The following LRRTM4 variants were observed in gnomAD, a reference collection of about 807,000 sequenced individuals.
The protein encoded by LRRTM4 is leucine rich repeat transmembrane neuronal 4, also known as leucine-rich repeat transmembrane neuronal protein 4.
Under a neutral mutation model 47.6 loss-of-function variants are expected in LRRTM4, and 25 were observed. The observed-to-expected ratio is 0.53, with a 90% CI of 0.38 to 0.73. The LOEUF (loss-of-function observed/expected upper bound fraction) is 0.73. Among genes scored for constraint, LRRTM4 ranks in the 30% least tolerant of loss-of-function variants. The probability of loss-of-function intolerance (pLI) is 0.00; values close to 1 mark genes in which losing one functional copy is unlikely to be tolerated. For synonymous variants in LRRTM4, 311 were observed against 269.5 expected (o/e 1.15, Z -1.51); for missense variants, 638 against 713.4 (o/e 0.89, Z 1.20).
At chr2:77,037,839 A>T (rs900346538) in intron 3 of LRRTM4, among the ~76,000 whole-genome samples, 4 of 151,668 alleles carry the variant, frequency 2.6e-5, no homozygotes, top group African/African-American at 9.7e-5. Flanking sequence ...TAATCTCACA[A>T]TTTAAATTGG....
intron 3 of LRRTM4, among the ~76,000 whole-genome samples, chr2:76,905,966 C>A (rs1673821004): frequency 6.6e-6 from 1 of 151,948 alleles, no homozygotes; most frequent in East Asian, 1.9e-4. Flanking sequence ...GCAAGGCAGG[C>A]CAACATTCAG....
chr2:77,252,094 G>A (rs181893286), intron 3 of LRRTM4, among the ~76,000 whole-genome samples: 13 of 152,274 alleles, frequency 8.5e-5, no homozygotes, highest in African/African-American at 3.1e-4. Flanking sequence ...CAACAAATCC[G>A]TCATTCACCA....
At position 77,399,834 on chromosome 2, in the gene LRRTM4, G is replaced by A. The variant is rs144484731; in HGVS notation, c.1551+118484C>T. ...TTGAAAGGGAAATTGGAAAAGATGTGCATTGAAATTGGGAAATCTTTTTGC... is the reference window on the plus strand; with the variant it reads ...TTGAAAGGGAAATTGGAAAAGATGTACATTGAAATTGGGAAATCTTTTTGC... On this transcript the variant is annotated intron_variant, in intron 3 of 3. Transcript: ENST00000409884. Among the ~76,000 whole-genome samples, 1,278 of 151,964 alleles carry A rather than the reference G, an allele frequency of 8.4e-3. 22 individuals carry two copies. Among genetic ancestry groups the A allele is most frequent in the Middle Eastern group, 0.017 (5 of 294 alleles).
chr2:76,875,752 T>G (rs1386972642), intron 3 of LRRTM4, among the ~76,000 whole-genome samples: 1 of 152,176 alleles, frequency 6.6e-6, no homozygotes, highest in Admixed American at 6.5e-5. Context: ...TGTGTATCTA[T>G]GTTGAGATTG....
intron 3 of LRRTM4, among the ~76,000 whole-genome samples, chr2:76,767,114 ACTC>A (rs1312946319): frequency 6.6e-6 from 1 of 151,566 alleles, no homozygotes; most frequent in Non-Finnish European, 1.5e-5. Flanking sequence ...CCTTAACACT[ACTC>A]CTATTTCTAC....
Position 77,094,175 on chromosome 2 carries a change from C to T in LRRTM4, c.1552-345259G>A, listed in dbSNP as rs1342104882. On this transcript the variant is annotated intron_variant, in intron 3 of 3. Coordinates refer to ENST00000409884, the MANE Select transcript of LRRTM4 (RefSeq NM_001134745.3). ...CAAAAAAAGCAATTTAAAAACATTC[C>T]ATGTATAATAGCAACACAAAATATA... Among the ~76,000 whole-genome samples, 2 of 151,922 alleles carry T rather than the reference C, an allele frequency of 1.3e-5. 1 individual carries two copies. The highest frequency in any genetic ancestry group is 2.9e-5 in the Non-Finnish European group (2 of 67,998).
intron 3 of LRRTM4, among the ~76,000 whole-genome samples, chr2:77,117,810 G>T (rs1671427583): frequency 6.6e-6 from 1 of 151,444 alleles, no homozygotes; most frequent in South Asian, 2.1e-4. Flanking sequence ...AACATTTATG[G>T]GTCCTGGACC....
chr2:77,156,438 T>C (rs542297735), intron 3 of LRRTM4, among the ~76,000 whole-genome samples: 42 of 151,856 alleles, frequency 2.8e-4, no homozygotes, highest in African/African-American at 9.6e-4. Flanking sequence ...CAATAAATTA[T>C]AGTATATTCA....
rs1298151295 is a variant in LRRTM4 at position 77,457,025 on chromosome 2, T to C, written c.1551+61293A>G. 2.6e-4 allele frequency among the ~76,000 whole-genome samples: 6 copies of C among 22,916 alleles called. 1 individual carries two copies. The highest frequency in any genetic ancestry group is 2.0e-4 in the Non-Finnish European group (2 of 10,224). 15.0% of individuals were successfully genotyped at this position (22,916 alleles called of 152,430 possible). ...GTGTGTATATATATATATATATATA[T>C]ATATATATATATATATATATATATA... On this transcript the variant is annotated intron_variant, in intron 3 of 3. Coordinates refer to ENST00000409884, the MANE Select transcript of LRRTM4 (RefSeq NM_001134745.3).
In LRRTM4 at chr2:77,103,667, A is replaced by ATATCTATATATATATC. The variant is rs1553389713; in HGVS notation, c.1552-354752_1552-354751insGATATATATATAGATA. Among the ~76,000 whole-genome samples the ATATCTATATATATATC allele has an allele frequency of 1.5e-4, 22 of 146,284 alleles. No individual in the cohort carries two copies. The East Asian group carries it at 3.8e-3, about 25-fold the overall frequency. ...TGAGTGTATATATATATATATAGATATATATATCACATATATGTATATATA... is the reference window on the plus strand; with the variant it reads ...TGAGTGTATATATATATATATAGATATATCTATATATATATCTATATATCACATATATGTATATATA... On this transcript the variant is annotated intron_variant, in intron 3 of 3. Transcript: ENST00000409884.
At chr2:77,368,082 A>C (rs567567583) in intron 3 of LRRTM4, among the ~76,000 whole-genome samples, 28 of 151,100 alleles carry the variant, frequency 1.9e-4, no homozygotes, top group African/African-American at 6.3e-4. Flanking sequence ...TTAAACCTAG[A>C]TTTGCCTTCT....
intron 3 of LRRTM4, among the ~76,000 whole-genome samples, chr2:77,070,850 C>G (rs559518817): frequency 2.2e-4 from 33 of 152,194 alleles, no homozygotes; most frequent in African/African-American, 6.5e-4. Context: ...AGGCTGGTCT[C>G]GAACTCCTGA....
intron 3 of LRRTM4, among the ~76,000 whole-genome samples, chr2:77,313,823 AC>A (rs1677542563): frequency 6.6e-6 from 1 of 152,154 alleles, no homozygotes; most frequent in Non-Finnish European, 1.5e-5. Context: ...TTCAAAGACT[AC>A]CCATTGTCAT....
chr2:77,237,378 G>C (rs1675131148), intron 3 of LRRTM4, among the ~76,000 whole-genome samples: 2 of 151,864 alleles, frequency 1.3e-5, no homozygotes, highest in Admixed American at 6.6e-5. Flanking sequence ...TTGTATTTTT[G>C]TGGGATTGGT....
intron 3 of LRRTM4, among the ~76,000 whole-genome samples, chr2:76,945,763 G>A (rs1360401272): frequency 6.6e-6 from 1 of 151,628 alleles, no homozygotes; most frequent in Non-Finnish European, 1.5e-5. Flanking sequence ...AAGTGTGTGT[G>A]TGTGTGTGTG....
At position 77,448,134 on chromosome 2, in the gene LRRTM4, A is replaced by G. The variant is rs149963514; in HGVS notation, c.1551+70184T>C. ...TCTTATCCACTCTCGAGGGGCTAGAAAGTAGGACGTGTACCATATTACACA... is the reference window on the plus strand; with the variant it reads ...TCTTATCCACTCTCGAGGGGCTAGAGAGTAGGACGTGTACCATATTACACA... On this transcript the variant is annotated intron_variant, in intron 3 of 3. Transcript: ENST00000409884. Among the ~76,000 whole-genome samples, 85 of 152,312 alleles carry G rather than the reference A, an allele frequency of 5.6e-4. 1 individual carries two copies. The East Asian group carries it at 0.015, about 28-fold the overall frequency.
At chr2:77,014,934 G>A (rs1288074997) in intron 3 of LRRTM4, among the ~76,000 whole-genome samples, 1 of 152,110 alleles carries the variant, frequency 6.6e-6, no homozygotes, top group Non-Finnish European at 1.5e-5. Context: ...ATTTTTTGAT[G>A]TGTCAACTTG....
chr2:77,269,913 T>C (rs922671698), intron 3 of LRRTM4, among the ~76,000 whole-genome samples: 1 of 152,228 alleles, frequency 6.6e-6, no homozygotes, highest in Non-Finnish European at 1.5e-5. Flanking sequence ...TTCTGAATTA[T>C]GTTGCCTGGT....
chr2:77,182,611 T>C (rs1673381077), intron 3 of LRRTM4, among the ~76,000 whole-genome samples: 1 of 152,148 alleles, frequency 6.6e-6, no homozygotes, highest in Non-Finnish European at 1.5e-5. Flanking sequence ...TTTCTAGATA[T>C]ACAATCATGT....
Sources: allele counts gnomAD v4.1 joint callset (sites outside exome capture counted in the v4.1 genomes callset), GRCh38; gene constraint gnomAD v4.1.1; transcripts MANE v1.5; gene names NCBI Gene and HGNC (gene_info 2026-07-23, HGNC 2026-07-21).